The following CRYZL1 variants were observed in gnomAD, a reference collection of about 807,000 sequenced individuals.
CRYZL1 encodes the protein ferry endosomal RAB5 effector complex subunit 4.
In CRYZL1, 34 loss-of-function variants were observed where a neutral mutation model predicts 50.6. That is an observed-to-expected ratio of 0.67 (90% CI 0.51 to 0.89). The LOEUF (loss-of-function observed/expected upper bound fraction) is 0.89, where lower values mean the gene tolerates loss of function less well. CRYZL1 is among the 40% of genes least tolerant of loss of function. The pLI, the probability that CRYZL1 is intolerant of heterozygous loss-of-function variation, is 0.00. For missense variants in CRYZL1, 354 were observed against 402.3 expected (o/e 0.88, Z 1.03); for synonymous variants, 125 against 134.3 (o/e 0.93, Z 0.48).
intron 6 of CRYZL1, among the ~76,000 whole-genome samples, chr21:33,610,576 G>A (rs1449490246): frequency 6.6e-6 from 1 of 152,074 alleles, no homozygotes; most frequent in Non-Finnish European, 1.5e-5. Context: ...TATAAATAAG[G>A]TAGAAGAAAA....
chr21:33,625,486 T>C (rs1321616763), intron 2 of CRYZL1, among the ~76,000 whole-genome samples: 1 of 151,464 alleles, frequency 6.6e-6, no homozygotes, highest in Non-Finnish European at 1.5e-5. Flanking sequence ...TTTCCTTTTT[T>C]TGTTGGTTTT....
intron 6 of CRYZL1, among the ~76,000 whole-genome samples, chr21:33,608,712 T>C (rs771118854): frequency 1.5e-4 from 23 of 152,214 alleles, no homozygotes; most frequent in Non-Finnish European, 3.1e-4. Context: ...TTTCCTGCTT[T>C]TTAAAGGCTG....
At chr21:33,614,055 C>A (rs2086901177) in intron 5 of CRYZL1, among the ~76,000 whole-genome samples, 1 of 151,830 alleles carries the variant, frequency 6.6e-6, no homozygotes, top group Non-Finnish European at 1.5e-5. Flanking sequence ...GCCTGTAATC[C>A]CAGCTACTCA....
intron 9 of CRYZL1, 126 bp from the exon 10 acceptor site, chr21:33,597,527 G>C (rs2086707737): frequency 2.7e-6 from 2 of 749,272 alleles, no homozygotes; most frequent in African/African-American, 1.8e-5. Context: ...TGTTGCCCAG[G>C]CTGGCCTGGA....
chr21:33,641,449 A>G, intron 1 of CRYZL1: 2 of 1,089,414 alleles, frequency 1.8e-6, no homozygotes, highest in East Asian at 2.7e-5. Flanking sequence ...GCAAACTGAG[A>G]TAAGACCTAC....
intron 1 of CRYZL1, chr21:33,639,879 T>C (rs1418413031): frequency 1.6e-5 from 4 of 245,064 alleles, no homozygotes; most frequent in African/African-American, 9.2e-5. Context: ...GGCTAGAGTG[T>C]GGTGGTCGTG....
intron 1 of CRYZL1, chr21:33,639,825 A>ATTTTTTTTTTTTTTTTTTT (rs35747923): frequency 7.5e-6 from 1 of 133,926 alleles, no homozygotes; most frequent in Non-Finnish European, 1.5e-5. Context: ...ATAGATGTGT[A>ATTTTTTTTTTTTTTTTTTT]TTTTTTTTTT....
At chr21:33,636,897 C>G (rs143902184) in intron 1 of CRYZL1, among the ~76,000 whole-genome samples, 275 of 152,264 alleles carry the variant, frequency 1.8e-3, no homozygotes, top group African/African-American at 6.2e-3. Flanking sequence ...AGCTCCGCCT[C>G]CGGGGTTCAC....
rs144536410 is a variant in CRYZL1, at chr21:33,603,629, G to A, written c.332-92C>T. The stretch of plus-strand genomic sequence containing the variant: ...TTCTCTCCATCTCTAGTACTACTAT[G>A]GCCCTGGTCCAAGCCCCTACTCCCA... On this transcript the variant is annotated intron_variant, in intron 6 of 12. Coordinates refer to ENST00000381554, the MANE Select transcript of CRYZL1 (RefSeq NM_145858.3). 1.8e-4 allele frequency: 258 copies of A among 1,446,286 alleles called. 2 individuals carry two copies. In the East Asian group the frequency reaches 5.4e-3, roughly 30 times the overall value. 89.6% of individuals were successfully genotyped at this position (1,446,286 alleles called of 1,614,324 possible).
chr21:33,607,084 T>C (rs1484144777), intron 6 of CRYZL1, among the ~76,000 whole-genome samples: 2 of 152,212 alleles, frequency 1.3e-5, no homozygotes, highest in African/African-American at 2.4e-5. Flanking sequence ...GATCTCTTTC[T>C]AGTTTAGCTC....
At chr21:33,614,910 A>T (rs1316264162) in intron 5 of CRYZL1, among the ~76,000 whole-genome samples, 1 of 152,074 alleles carries the variant, frequency 6.6e-6, no homozygotes, top group Non-Finnish European at 1.5e-5. Context: ...CTTCTAAGCT[A>T]GTCTGATTTT....
chr21:33,639,048 G>T (rs2145969070), intron 1 of CRYZL1, among the ~76,000 whole-genome samples: 1 of 152,336 alleles, frequency 6.6e-6, no homozygotes, highest in East Asian at 1.9e-4. Context: ...TCTAAAGATA[G>T]ATAAAGGAGC....
intron 6 of CRYZL1, among the ~76,000 whole-genome samples, chr21:33,607,601 C>A (rs981849127): frequency 6.6e-6 from 1 of 152,090 alleles, no homozygotes; most frequent in African/African-American, 2.4e-5. Context: ...CACTTCACTG[C>A]AGCCTGGGCT....
chr21:33,630,585 C>T (rs2087126163), intron 2 of CRYZL1, among the ~76,000 whole-genome samples: 1 of 145,126 alleles, frequency 6.9e-6, no homozygotes, highest in African/African-American at 2.6e-5. Context: ...GACTCTGTCG[C>T]AATTAAAAAA....
At chr21:33,597,887 T>C (rs1019414979) in intron 9 of CRYZL1, among the ~76,000 whole-genome samples, 22 of 152,310 alleles carry the variant, frequency 1.4e-4, no homozygotes, top group African/African-American at 4.6e-4. Flanking sequence ...GTGCTGGGAT[T>C]ACAGGCATGA....
chr21:33,627,126 T>G (rs1357265509), intron 2 of CRYZL1, among the ~76,000 whole-genome samples: 2 of 152,244 alleles, frequency 1.3e-5, no homozygotes. Flanking sequence ...GAAGCCAAGC[T>G]GTCTGAAACA....
chr21:33,614,015 A>G (rs1303883962), intron 5 of CRYZL1, among the ~76,000 whole-genome samples: 1 of 151,950 alleles, frequency 6.6e-6, no homozygotes, highest in East Asian at 1.9e-4. Flanking sequence ...TACTAAAAAT[A>G]TAAAAAATTA....
intron 6 of CRYZL1, among the ~76,000 whole-genome samples, chr21:33,605,921 G>A (rs749424564): frequency 3.9e-5 from 6 of 152,110 alleles, no homozygotes; most frequent in Non-Finnish European, 7.4e-5. Context: ...AATGATTCAT[G>A]TGGACTAGCC....
At chr21:33,631,257 T>C (rs2087134299) in intron 2 of CRYZL1, among the ~76,000 whole-genome samples, 1 of 152,158 alleles carries the variant, frequency 6.6e-6, no homozygotes, top group Non-Finnish European at 1.5e-5. Context: ...ACCCCATAAA[T>C]ATGTACAATT....
Sources: gnomAD v4.1 joint callset for allele counts (sites outside exome capture counted in the v4.1 genomes callset) on GRCh38, gnomAD v4.1.1 for gene constraint, MANE v1.5 for transcripts, NCBI Gene and HGNC (gene_info 2026-07-23, HGNC 2026-07-21) for gene names.